Variants in CACNA1G observed in about 807,000 individuals in gnomAD.
CACNA1G encodes the protein voltage-dependent T-type calcium channel subunit alpha-1G.
Under a neutral mutation model 219.4 loss-of-function variants are expected in CACNA1G, and 67 were observed. The observed-to-expected ratio is 0.31, with a 90% CI of 0.25 to 0.37. CACNA1G has a LOEUF of 0.37. Ranked by LOEUF, CACNA1G falls within the 10% of genes least tolerant of loss-of-function variation. The pLI is 1.00. For synonymous variants in CACNA1G, 1,296 were observed against 1,345.3 expected (o/e 0.96, Z 0.80); for missense variants, 2,380 against 3,231.4 (o/e 0.74, Z 6.39).
At chr17:50,565,390 G>GA (rs1172001148) in intron 1 of CACNA1G, among the ~76,000 whole-genome samples, 1 of 142,852 alleles carries the variant, frequency 7.0e-6, no homozygotes, top group East Asian at 2.6e-4. Flanking sequence ...GGTGGGGCGG[G>GA]GGGTTCTGCT....
chr17:50,608,186 G>C (rs2048352266), intron 25 of CACNA1G, 167 bp downstream of exon 25: 8 of 659,934 alleles, frequency 1.2e-5, no homozygotes, highest in African/African-American at 1.1e-4. Flanking sequence ...TCTGCCTTTA[G>C]AGCGAGCATG....
chr17:50,612,239 T>C (rs1478458320), intron 26 of CACNA1G, among the ~76,000 whole-genome samples: 1 of 152,242 alleles, frequency 6.6e-6, no homozygotes, highest in African/African-American at 2.4e-5. Flanking sequence ...ATCAAACACG[T>C]GCACCGCACC....
At chr17:50,609,178 C>T (rs947423448) in intron 25 of CACNA1G, among the ~76,000 whole-genome samples, 1 of 152,112 alleles carries the variant, frequency 6.6e-6, no homozygotes, top group South Asian at 2.1e-4. Context: ...CTATCTCCCT[C>T]GGCCTGGGAG....
intron 19 of CACNA1G, among the ~76,000 whole-genome samples, chr17:50,602,517 C>T (rs568845838): frequency 5.3e-5 from 8 of 152,310 alleles, no homozygotes; most frequent in African/African-American, 1.7e-4. Flanking sequence ...GGGCTTAGGA[C>T]GTGGGACGCA....
intron 1 of CACNA1G, among the ~76,000 whole-genome samples, chr17:50,566,313 C>CT (rs58586451): frequency 0.043 from 6,528 of 152,160 alleles, 152 homozygotes; most frequent in Middle Eastern, 0.082. Flanking sequence ...AAGACCCCCC[C>CT]CCCATCAATT....
chr17:50,604,103 G>A, intron 21 of CACNA1G, 52 bp from the exon 22 acceptor site: 4 of 1,580,172 alleles, frequency 2.5e-6, no homozygotes, highest in Non-Finnish European at 3.4e-6. Flanking sequence ...AAGGGACAAG[G>A]GAGGGTCTGG....
chr17:50,608,906 T>C (rs2048556906), intron 25 of CACNA1G, among the ~76,000 whole-genome samples: 1 of 150,570 alleles, frequency 6.6e-6, no homozygotes, highest in African/African-American at 2.4e-5. Flanking sequence ...TCTCCGCGCC[T>C]CTCTCTCTCT....
chr17:50,623,263 A>ATT (rs35058899), intron 35 of CACNA1G, among the ~76,000 whole-genome samples: 1,314 of 50,966 alleles, frequency 0.026, 117 homozygotes, highest in African/African-American at 0.055. Flanking sequence ...TATCCAGCTA[A>ATT]TTTTTTTTTT....
chr17:50,569,437 G>T, intron 3 of CACNA1G, 139 bp downstream of exon 3: 1 of 917,524 alleles, frequency 1.1e-6, no homozygotes, highest in African/African-American at 1.6e-5. Flanking sequence ...GAGGGTCTGA[G>T]GCTGCCCTGC....
chr17:50,597,694 T>C (rs1161027120), intron 16 of CACNA1G, among the ~76,000 whole-genome samples: 2 of 152,240 alleles, frequency 1.3e-5, no homozygotes, highest in Admixed American at 1.3e-4. Flanking sequence ...ACGTTATTAT[T>C]GACTATAGCC....
At chr17:50,582,225 C>G (rs550425969) in intron 9 of CACNA1G, among the ~76,000 whole-genome samples, 1 of 152,328 alleles carries the variant, frequency 6.6e-6, no homozygotes, top group East Asian at 1.9e-4. Context: ...AGGGAGGGCT[C>G]CGTGTAGGAG....
In CACNA1G at chr17:50,592,088, C is replaced by A. The variant is rs781013378; in HGVS notation, c.2906C>A (p.Ala969Glu). 3 of 1,611,490 alleles carry A rather than the reference C, an allele frequency of 1.9e-6. No homozygotes were observed. The highest frequency in any genetic ancestry group is 2.5e-6 in the Non-Finnish European group (3 of 1,178,610). ...GCCATTCTGGTGGAGGGCTTCCAGG[C>A]GGAGGTAACCCACTGCTCTGCCCAC... Reference protein sequence around the residue: ...LVAILVEGFQAEEISKREDAS... With the variant: ...LVAILVEGFQEEEISKREDAS... Residue 969 changes from alanine (A) to glutamate (E), a missense_variant, in exon 13 of 38, where the codon GCG becomes GAG. Transcript: ENST00000359106.
rs1225099816 is a variant in CACNA1G, at chr17:50,578,712, T to C, written c.2301+148T>C. On this transcript the variant is annotated intron_variant, in intron 9 of 37. Coordinates refer to ENST00000359106, the MANE Select transcript of CACNA1G (RefSeq NM_018896.5). The surrounding 1 kb of genome is among the most constrained non-coding windows in gnomAD (Gnocchi z 4.5). Reference sequence around the variant, plus strand: ...GGCAGGTAGGAGGGGAGGTGGGTGATGGAGCAATGCATGGGGATTCTCTAG... The same window carrying C: ...GGCAGGTAGGAGGGGAGGTGGGTGACGGAGCAATGCATGGGGATTCTCTAG... 1.3e-6 allele frequency: 1 copy of C among 779,054 alleles called. No homozygotes were observed. The highest frequency in any genetic ancestry group is 1.7e-5 in the African/African-American group (1 of 57,368). The allele number at this position is 779,054 out of a possible 1,614,324, so 48.3% of individuals were successfully genotyped here.
intron 9 of CACNA1G, among the ~76,000 whole-genome samples, chr17:50,582,021 G>C (rs1193725902): frequency 6.6e-6 from 1 of 152,262 alleles, no homozygotes; most frequent in South Asian, 2.1e-4. Flanking sequence ...CGAATGTGGG[G>C]TTGGGAAGAG....
At chr17:50,568,843 G>A (rs1231129390) in intron 1 of CACNA1G, 27 bp from the exon 2 acceptor site, 1 of 1,593,598 alleles carries the variant, frequency 6.3e-7, no homozygotes, top group Non-Finnish European at 8.6e-7. Context: ...TCCAGCCTTG[G>A]CCAGCTGTTT....
intron 1 of CACNA1G, chr17:50,563,328 T>C (rs1396053721): frequency 6.6e-6 from 1 of 152,066 alleles, no homozygotes; most frequent in Admixed American, 6.5e-5. Context: ...ATAGGCACAA[T>C]CTTGAGGTTT....
chr17:50,591,310 C>T (rs2044285565), intron 10 of CACNA1G, 125 bp from the exon 11 acceptor site: 3 of 943,068 alleles, frequency 3.2e-6, no homozygotes, highest in Non-Finnish European at 4.6e-6. Context: ...GGGGGCCCAC[C>T]TGTGCCCCAT....
intron 14 of CACNA1G, among the ~76,000 whole-genome samples, chr17:50,595,629 TTGGGTCCGGC>T (rs1397813579): frequency 6.6e-6 from 1 of 152,246 alleles, no homozygotes; most frequent in Non-Finnish European, 1.5e-5. Flanking sequence ...CATCACCCAC[TTGGGTCCGGC>T]TGGCGCTGTC....
rs57905046 is a variant in CACNA1G at position 50,573,029 on chromosome 17, G to C, written c.1056G>C (p.Thr352=). 9 of 1,577,444 alleles carry C rather than the reference G, an allele frequency of 5.7e-6. No individual in the cohort carries two copies. The highest frequency in any genetic ancestry group is 6.9e-6 in the Non-Finnish European group (8 of 1,160,596). Residue 352 remains threonine (T), a synonymous_variant, in exon 7 of 38, where the codon ACG becomes ACC. Coordinates refer to ENST00000359106, the MANE Select transcript of CACNA1G (RefSeq NM_018896.5). ...CCCTCTGCACCCCCTAGGTCATCAC[G>C]CTGGAGGGCTGGGTCGACATCATGT... ...YAWIAIFQVI[T]LEGWVDIMYF...
Sources: gnomAD v4.1 joint callset for allele counts (sites outside exome capture counted in the v4.1 genomes callset) on GRCh38, gnomAD v4.1.1 for gene constraint, Gnocchi (gnomAD v3.1) non-coding constraint, MANE v1.5 for transcripts, NCBI Gene and HGNC (gene_info 2026-07-23, HGNC 2026-07-21) for gene names.